TPTE: variants seen among roughly 807,000 people sequenced by gnomAD.
TPTE encodes transmembrane phosphatase with tensin homology.
TPTE carries 59 observed loss-of-function variants against 84.1 expected under a neutral mutation model. The observed-to-expected ratio is 0.70, with a 90% CI of 0.57 to 0.87. The LOEUF (loss-of-function observed/expected upper bound fraction) is 0.87. TPTE is among the 40% of genes least tolerant of loss of function. The pLI is 0.00. For missense variants in TPTE, 382 were observed against 659.6 expected, an observed-to-expected ratio of 0.58 and a Z score of 4.61; for synonymous variants, 130 against 223.5, an observed-to-expected ratio of 0.58 and a Z score of 3.73.
At chr21:10,562,063 G>A (rs2074816816) in intron 10 of TPTE, among the ~76,000 whole-genome samples, 1 of 152,304 alleles carries the variant, frequency 6.6e-6, no homozygotes, top group Non-Finnish European at 1.5e-5. Context: ...TTGTTTGGGA[G>A]AAAGTAAGGG....
At chr21:10,584,010 A>T (rs2075316443) in intron 17 of TPTE, among the ~76,000 whole-genome samples, 1 of 152,312 alleles carries the variant, frequency 6.6e-6, no homozygotes, top group African/African-American at 2.4e-5. Flanking sequence ...CAACTAGTCA[A>T]ATTACAAACA....
At chr21:10,587,148 TG>T (rs1325389702) in intron 17 of TPTE, among the ~76,000 whole-genome samples, 4 of 152,310 alleles carry the variant, frequency 2.6e-5, no homozygotes, top group Admixed American at 6.5e-5. Context: ...TGATGTAGGA[TG>T]ATTCTTGCAT....
At chr21:10,594,727 C>A (rs1210976070) in intron 19 of TPTE, among the ~76,000 whole-genome samples, 3 of 152,308 alleles carry the variant, frequency 2.0e-5, no homozygotes, top group African/African-American at 4.8e-5. Context: ...ACTAGCACAC[C>A]AAAGGCTGCA....
At chr21:10,542,871 A>G (rs541689081) in intron 6 of TPTE, among the ~76,000 whole-genome samples, 2 of 152,422 alleles carry the variant, frequency 1.3e-5, no homozygotes, top group South Asian at 2.1e-4. Context: ...CCTGTAATGT[A>G]TTTGCCACCC....
At chr21:10,559,132 G>A (rs921174225) in intron 8 of TPTE, among the ~76,000 whole-genome samples, 1 of 152,310 alleles carries the variant, frequency 6.6e-6, no homozygotes, top group African/African-American at 2.4e-5. Flanking sequence ...GATTTGCCCA[G>A]GCTGGCATTA....
intron 3 of TPTE, among the ~76,000 whole-genome samples, chr21:10,538,187 C>T (rs943596218): frequency 2.6e-5 from 4 of 152,310 alleles, no homozygotes; most frequent in Non-Finnish European, 4.4e-5. Context: ...GTTTTTGACC[C>T]TGCAGAACTC....
In TPTE at chr21:10,543,369, C is replaced by G. The variant is rs1568961317; in HGVS notation, c.160C>G (p.Pro54Ala). 1.2e-6 allele frequency: 2 copies of G among 1,614,088 alleles called. No homozygotes were observed. The change falls in exon 7 of 24, where the codon CCT becomes GCT. Residue 54 changes from proline to alanine, a missense_variant. Pro to Ala is a conservative substitution (Grantham distance 27). Around this residue, in one of 10 missense-constraint regions of TPTE, gnomAD observed 7 missense variants for 19.0 expected, o/e 0.37. Transcript: ENST00000618007. ...SEFKGAARVSPISESVLARLS... is the reference protein window; with the variant it reads ...SEFKGAARVSAISESVLARLS... ...ATTTAAAGGAGCAGCCCGGGTGTCA[C>G]CTATCAGTGAAAGGTGAGTTATAAA...
intron 4 of TPTE, among the ~76,000 whole-genome samples, chr21:10,540,277 C>G (rs1170450029): frequency 1.3e-5 from 2 of 152,420 alleles, no homozygotes; most frequent in East Asian, 3.8e-4. Flanking sequence ...ACAAGAGAGA[C>G]TGAGTAGGGC....
intron 7 of TPTE, among the ~76,000 whole-genome samples, chr21:10,548,063 T>C (rs1464884609): frequency 1.3e-5 from 2 of 152,300 alleles, no homozygotes; most frequent in Non-Finnish European, 2.9e-5. Context: ...GCCCTCTGCT[T>C]TTAATAAGGG....
intron 19 of TPTE, among the ~76,000 whole-genome samples, chr21:10,594,701 C>T (rs1444073118): frequency 1.3e-5 from 2 of 152,304 alleles, no homozygotes; most frequent in African/African-American, 4.8e-5. Flanking sequence ...CATAGTTTCC[C>T]TAACTGTAGT....
At chr21:10,586,317 C>A (rs1410211578) in intron 17 of TPTE, among the ~76,000 whole-genome samples, 1 of 152,168 alleles carries the variant, frequency 6.6e-6, no homozygotes, top group African/African-American at 2.4e-5. Context: ...TTTTTTGACC[C>A]ATGAGTTATG....
intron 14 of TPTE, among the ~76,000 whole-genome samples, chr21:10,570,936 C>G (rs1476164927): frequency 6.6e-6 from 1 of 152,308 alleles, no homozygotes; most frequent in Non-Finnish European, 1.5e-5. Context: ...GAAAGAGCCA[C>G]TGCATGCTAA....
At chr21:10,587,137 C>T (rs1251889119) in intron 17 of TPTE, among the ~76,000 whole-genome samples, 1 of 152,312 alleles carries the variant, frequency 6.6e-6, no homozygotes, top group Non-Finnish European at 1.5e-5. Flanking sequence ...ATATAGATTT[C>T]TGATGTAGGA....
chr21:10,537,523 A>G (rs113013540), intron 3 of TPTE, among the ~76,000 whole-genome samples: 3,559 of 150,628 alleles, frequency 0.024, 1 homozygote, highest in African/African-American at 0.085. Context: ...CTAAAAATAC[A>G]AAAAATTAGC....
chr21:10,534,732 CTG>C (rs1267578020), intron 3 of TPTE, among the ~76,000 whole-genome samples: 1 of 152,304 alleles, frequency 6.6e-6, no homozygotes, highest in African/African-American at 2.4e-5. Context: ...TTCTTGGACA[CTG>C]TTTCTGAAGT....
intron 6 of TPTE, 42 bp from the exon 7 acceptor site, chr21:10,543,287 C>A (rs746480101): frequency 7.7e-7 from 1 of 1,302,758 alleles, no homozygotes; most frequent in Non-Finnish European, 9.8e-7. Context: ...CCGCCTCGGC[C>A]TCCCAAAGTG....
chr21:10,533,847 T>C (rs1164452803), intron 3 of TPTE, among the ~76,000 whole-genome samples: 1 of 152,308 alleles, frequency 6.6e-6, no homozygotes, highest in East Asian at 1.9e-4. Context: ...GAATGATTCG[T>C]GAGTTGGGAA....
intron 21 of TPTE, among the ~76,000 whole-genome samples, chr21:10,599,193 C>T (rs375437821): frequency 5.3e-3 from 802 of 151,102 alleles, no homozygotes; most frequent in African/African-American, 0.019. Flanking sequence ...CTCTTTGCCT[C>T]GGCCCCCTAA....
chr21:10,540,290 T>C (rs1165827113), intron 4 of TPTE, among the ~76,000 whole-genome samples: 2 of 152,310 alleles, frequency 1.3e-5, no homozygotes, highest in Admixed American at 6.5e-5. Context: ...AGTAGGGCTA[T>C]TGAGTGTGAC....
Sources: allele counts gnomAD v4.1 joint callset (sites outside exome capture counted in the v4.1 genomes callset), GRCh38; gene constraint gnomAD v4.1.1; regional missense constraint gnomAD v4.1.1; transcripts MANE v1.5; gene names NCBI Gene and HGNC (gene_info 2026-07-23, HGNC 2026-07-21).